The following IQCM variants were observed in gnomAD, a reference collection of about 807,000 sequenced individuals.
The protein encoded by IQCM is IQ domain-containing protein M.
In IQCM, 45 loss-of-function variants were observed where a neutral mutation model predicts 57.6. The observed-to-expected ratio is 0.78, with a 90% confidence interval of 0.62 to 1.00. IQCM has a LOEUF of 1.00. Among genes scored for constraint, IQCM ranks in the 50% least tolerant of loss-of-function variants. IQCM has a pLI of 0.00. For synonymous variants in IQCM, 148 were observed against 158.9 expected, an observed-to-expected ratio of 0.93 and a Z score of 0.51; for missense variants, 468 against 511.6, an observed-to-expected ratio of 0.91 and a Z score of 0.82.
chr4:149,602,630 A>C (rs1754417038), intron 8 of IQCM, among the ~76,000 whole-genome samples: 1 of 152,038 alleles, frequency 6.6e-6, no homozygotes, highest in South Asian at 2.1e-4. Context: ...GTCTTCATTT[A>C]TGTAATATTT....
At chr4:149,696,301 A>C (rs1285484627) in intron 5 of IQCM, among the ~76,000 whole-genome samples, 2 of 152,142 alleles carry the variant, frequency 1.3e-5, no homozygotes, top group Non-Finnish European at 2.9e-5. Context: ...TTTTATGAAA[A>C]GATTCCAAAA....
At chr4:149,375,564 A>G (rs1011662122) in intron 13 of IQCM, among the ~76,000 whole-genome samples, 2 of 152,212 alleles carry the variant, frequency 1.3e-5, no homozygotes, top group Non-Finnish European at 2.9e-5. Context: ...TTTAAACATT[A>G]GTTTGAAAAA....
At chr4:149,364,511 C>A (rs1434803556) in intron 13 of IQCM, among the ~76,000 whole-genome samples, 1 of 152,066 alleles carries the variant, frequency 6.6e-6, no homozygotes, top group Non-Finnish European at 1.5e-5. Flanking sequence ...GAATGAATGA[C>A]AACTAATGGC....
intron 7 of IQCM, among the ~76,000 whole-genome samples, chr4:149,670,491 C>T (rs1443085533): frequency 6.6e-6 from 1 of 152,104 alleles, no homozygotes; most frequent in Non-Finnish European, 1.5e-5. Context: ...CCTGATTGCC[C>T]TGGCCAGAAC....
At chr4:149,799,558 TAA>T (rs1476985484) in intron 2 of IQCM, among the ~76,000 whole-genome samples, 3 of 151,730 alleles carry the variant, frequency 2.0e-5, no homozygotes, top group Non-Finnish European at 2.9e-5. Context: ...GTTGGTTTTT[TAA>T]AAGTTAAACT....
chr4:149,530,686 A>G (rs1746639839), intron 12 of IQCM, among the ~76,000 whole-genome samples: 1 of 152,044 alleles, frequency 6.6e-6, no homozygotes, highest in Admixed American at 6.6e-5. Context: ...AGTCACAGAG[A>G]TTTTATTTCT....
At position 149,717,478 on chromosome 4, in the gene IQCM, G is replaced by A. The variant is rs145813513; in HGVS notation, c.385+15766C>T. On this transcript the variant is annotated intron_variant, in intron 5 of 13. Transcript: ENST00000636793. Reference sequence around the variant, plus strand: ...TTTTCCCTTTATAGCTGAGAAATCCGTTTCAAAATTAGTAAAATATAATTC... The same window carrying A: ...TTTTCCCTTTATAGCTGAGAAATCCATTTCAAAATTAGTAAAATATAATTC... Among the ~76,000 whole-genome samples, 213 of 152,146 alleles carry A rather than the reference G, an allele frequency of 1.4e-3. 1 individual carries two copies. The highest frequency in any genetic ancestry group is 1.2e-3 in the Admixed American group (19 of 15,280).
rs572217403 is a variant in IQCM at position 149,629,876 on chromosome 4, C to T, written c.566-8632G>A. ...AAAGAGAACATTTTGTATTTGCAAA[C>T]GAGAAAATACAATTTGTTTAAACTT... On this transcript the variant is annotated intron_variant, in intron 7 of 13. Coordinates refer to ENST00000636793, the MANE Select transcript of IQCM (RefSeq NM_001363507.2). Among the ~76,000 whole-genome samples, 21 of 149,952 alleles carry T rather than the reference C, an allele frequency of 1.4e-4. No individual in the cohort carries two copies. The South Asian group carries it at 3.8e-3, about 27-fold the overall frequency.
chr4:149,585,962 G>GA (rs1479876425), intron 9 of IQCM, among the ~76,000 whole-genome samples: 1 of 151,608 alleles, frequency 6.6e-6, no homozygotes, highest in Non-Finnish European at 1.5e-5. Flanking sequence ...AGACTATACA[G>GA]AAAAATGTTT....
At chr4:149,453,157 A>G (rs1038416561) in intron 12 of IQCM, among the ~76,000 whole-genome samples, 19 of 151,828 alleles carry the variant, frequency 1.3e-4, no homozygotes, top group Admixed American at 2.0e-4. Flanking sequence ...CAAAAGAATA[A>G]ATTTGGACCT....
intron 13 of IQCM, among the ~76,000 whole-genome samples, chr4:149,360,781 T>C (rs1729421778): frequency 6.6e-6 from 1 of 152,218 alleles, no homozygotes. Flanking sequence ...CTTGGATATG[T>C]CTTTATTAGC....
chr4:149,546,817 T>G (rs1420903615), intron 12 of IQCM, among the ~76,000 whole-genome samples: 4 of 152,166 alleles, frequency 2.6e-5, no homozygotes, highest in African/African-American at 4.8e-5. Flanking sequence ...AGAAGCTCTT[T>G]AGTTTAATTA....
chr4:149,734,941 G>A (rs770295027), intron 4 of IQCM, among the ~76,000 whole-genome samples: 10 of 151,946 alleles, frequency 6.6e-5, no homozygotes, highest in Non-Finnish European at 1.5e-4. Context: ...ACCAGCAAAC[G>A]GACAATTTTA....
intron 2 of IQCM, among the ~76,000 whole-genome samples, chr4:149,750,552 G>A (rs1768337685): frequency 6.6e-6 from 1 of 152,144 alleles, no homozygotes; most frequent in South Asian, 2.1e-4. Context: ...AATATTTTAT[G>A]AAGAGTCCCG....
chr4:149,499,102 T>C (rs1458036197), intron 12 of IQCM, among the ~76,000 whole-genome samples: 1 of 152,160 alleles, frequency 6.6e-6, no homozygotes, highest in African/African-American at 2.4e-5. Flanking sequence ...GAGACTGTGA[T>C]TTAGTCTCCT....
At chr4:149,547,229 T>C (rs1055157940) in intron 12 of IQCM, among the ~76,000 whole-genome samples, 1 of 152,316 alleles carries the variant, frequency 6.6e-6, no homozygotes, top group African/African-American at 2.4e-5. Context: ...TGTAGCCTTG[T>C]AGCATAGTTT....
intron 2 of IQCM, among the ~76,000 whole-genome samples, chr4:149,809,237 T>G (rs909847395): frequency 6.6e-6 from 1 of 151,392 alleles, no homozygotes; most frequent in Admixed American, 6.6e-5. Flanking sequence ...CACTCCAGCC[T>G]GGAGACAGAA....
chr4:149,417,324 A>G, intron 13 of IQCM, among the ~76,000 whole-genome samples: 1 of 152,046 alleles, frequency 6.6e-6, no homozygotes, highest in Non-Finnish European at 1.5e-5. Context: ...TGGAGGAGAG[A>G]TTCCCTGGAG....
chr4:149,729,697 T>G (rs1454902314), intron 5 of IQCM, among the ~76,000 whole-genome samples: 2 of 151,828 alleles, frequency 1.3e-5, no homozygotes, highest in Non-Finnish European at 2.9e-5. Flanking sequence ...ATGCAGTCAT[T>G]TTTTTTAATA....
Sources: allele counts gnomAD v4.1 joint callset (sites outside exome capture counted in the v4.1 genomes callset), GRCh38; gene constraint gnomAD v4.1.1; transcripts MANE v1.5; gene names NCBI Gene and HGNC (gene_info 2026-07-23, HGNC 2026-07-21).